SLC35F1: variants seen among roughly 807,000 people sequenced by gnomAD.
The protein encoded by SLC35F1 is chromosome 6 open reading frame 169.
Under a neutral mutation model 48.7 loss-of-function variants are expected in SLC35F1, and 14 were observed. The observed-to-expected ratio is 0.29, with a 90% CI of 0.19 to 0.45. SLC35F1 has a LOEUF of 0.45. Among genes scored for constraint, SLC35F1 ranks in the 20% least tolerant of loss-of-function variants. The pLI is 1.00. For synonymous variants in SLC35F1, 190 were observed against 202.2 expected (o/e 0.94, Z 0.51); for missense variants, 404 against 500.0 (o/e 0.81, Z 1.83).
chr6:118,180,127 A>G (rs1355444293), intron 2 of SLC35F1, among the ~76,000 whole-genome samples: 1 of 152,154 alleles, frequency 6.6e-6, no homozygotes, highest in East Asian at 1.9e-4. Context: ...ATGTATGCAT[A>G]TTTGGGGCTA....
intron 1 of SLC35F1, among the ~76,000 whole-genome samples, chr6:118,151,234 G>A (rs1774052084): frequency 6.6e-6 from 1 of 151,994 alleles, no homozygotes; most frequent in African/African-American, 2.4e-5. Flanking sequence ...ATTTCCCAAG[G>A]CTCTCTTACT....
At position 118,009,323 on chromosome 6, in the gene SLC35F1, A is replaced by G. The variant is rs553520652; in HGVS notation, c.173+101424A>G. ...CAAAATTAGACATTAGGTTTATTTT[A>G]CAGGTGGTTAAATGGCAGTTCACTG... is the stretch of plus-strand genomic sequence containing the variant. On this transcript the variant is annotated intron_variant, in intron 1 of 7. Coordinates refer to ENST00000360388, the MANE Select transcript of SLC35F1 (RefSeq NM_001029858.4). Among the ~76,000 whole-genome samples the G allele has an allele frequency of 3.3e-5, 5 of 152,172 alleles. No individual in the cohort carries two copies. In the South Asian group the frequency reaches 1.0e-3, roughly 32 times the overall value.
chr6:118,038,836 G>A lies in SLC35F1; in HGVS notation c.174-115609G>A, dbSNP rs540351826. 9.9e-5 allele frequency among the ~76,000 whole-genome samples: 15 copies of A among 152,026 alleles called. No individual in the cohort carries two copies. In the South Asian group the frequency reaches 1.7e-3, roughly 17 times the overall value. ...AAGGTCTTGCTTTGTTGCCCAGGCCGGTCTTCAACTCCTGGCCTTAAGCAA... is the reference window on the plus strand; with the variant it reads ...AAGGTCTTGCTTTGTTGCCCAGGCCAGTCTTCAACTCCTGGCCTTAAGCAA... On this transcript the variant is annotated intron_variant, in intron 1 of 7. Coordinates refer to ENST00000360388, the MANE Select transcript of SLC35F1 (RefSeq NM_001029858.4).
intron 1 of SLC35F1, among the ~76,000 whole-genome samples, chr6:118,145,581 T>C (rs768266661): frequency 3.3e-5 from 5 of 152,202 alleles, no homozygotes; most frequent in Non-Finnish European, 5.9e-5. Flanking sequence ...TGTAATCATA[T>C]GCAACACAAG....
intron 1 of SLC35F1, among the ~76,000 whole-genome samples, chr6:117,978,099 C>T (rs1776727447): frequency 6.6e-6 from 1 of 151,800 alleles, no homozygotes; most frequent in Non-Finnish European, 1.5e-5. Context: ...TATTTTATTT[C>T]TTCAGATGTG....
chr6:118,201,354 AAGTAGC>A (rs769450744), intron 2 of SLC35F1, among the ~76,000 whole-genome samples: 6 of 152,222 alleles, frequency 3.9e-5, no homozygotes, highest in Non-Finnish European at 7.3e-5. Flanking sequence ...TTTACTGAAC[AAGTAGC>A]AGTTTCCAGC....
chr6:118,119,284 A>G (rs944241235), intron 1 of SLC35F1, among the ~76,000 whole-genome samples: 1 of 152,156 alleles, frequency 6.6e-6, no homozygotes, highest in South Asian at 2.1e-4. Flanking sequence ...AGATGTATAT[A>G]TTATTGGCTA....
intron 2 of SLC35F1, among the ~76,000 whole-genome samples, chr6:118,218,952 A>T (rs533490307): frequency 3.5e-4 from 54 of 152,326 alleles, no homozygotes; most frequent in Non-Finnish European, 6.2e-4. Flanking sequence ...TTCAAGAAAG[A>T]CAATTAGTAT....
intron 1 of SLC35F1, among the ~76,000 whole-genome samples, chr6:117,915,839 G>A (rs1775819242): frequency 6.6e-6 from 1 of 152,178 alleles, no homozygotes; most frequent in Non-Finnish European, 1.5e-5. Flanking sequence ...ATTTAGAGGG[G>A]AAGAAATGTG....
At chr6:118,214,052 G>A (rs460399) in intron 2 of SLC35F1, among the ~76,000 whole-genome samples, 10,122 of 152,160 alleles carry the variant, frequency 0.067, 395 homozygotes, top group South Asian at 0.12. Context: ...TGTAGTTTTT[G>A]TTGTTTCAAA....
chr6:118,137,824 C>T (rs1487478633), intron 1 of SLC35F1, among the ~76,000 whole-genome samples: 2 of 152,142 alleles, frequency 1.3e-5, no homozygotes, highest in African/African-American at 2.4e-5. Flanking sequence ...TAGAACCTAC[C>T]ATAGTCTTGG....
intron 1 of SLC35F1, among the ~76,000 whole-genome samples, chr6:117,990,089 C>G (rs1444695514): frequency 6.6e-6 from 1 of 151,986 alleles, no homozygotes; most frequent in Non-Finnish European, 1.5e-5. Context: ...TTTTATTTCC[C>G]TTGGTTAAAA....
chr6:118,086,496 G>A (rs1772992473), intron 1 of SLC35F1, among the ~76,000 whole-genome samples: 1 of 152,138 alleles, frequency 6.6e-6, no homozygotes. Context: ...TTCCCTCTTA[G>A]CAAGACTCAT....
chr6:117,911,772 T>C (rs1775766919), intron 1 of SLC35F1, among the ~76,000 whole-genome samples: 1 of 152,026 alleles, frequency 6.6e-6, no homozygotes, highest in Non-Finnish European at 1.5e-5. Context: ...CATGGTATAG[T>C]ATATATTACC....
At chr6:118,090,164 G>A (rs1582660424) in intron 1 of SLC35F1, among the ~76,000 whole-genome samples, 1 of 152,176 alleles carries the variant, frequency 6.6e-6, no homozygotes, top group Admixed American at 6.5e-5. Flanking sequence ...CCTCAAGGTG[G>A]GTTATAAATT....
Position 118,095,283 on chromosome 6 carries a change from A to G in SLC35F1, c.174-59162A>G, listed in dbSNP as rs547055763. Among the ~76,000 whole-genome samples, 10 of 152,362 alleles carry G rather than the reference A, an allele frequency of 6.6e-5. 1 individual carries two copies. The South Asian group carries it at 1.4e-3, about 22-fold the overall frequency. On this transcript the variant is annotated intron_variant, in intron 1 of 7. Transcript: ENST00000360388. ...AGTCTTAGTTTGTGCTCTTTGTTCC[A>G]AACAGGTGCCAGCATTGAATATCTC...
At chr6:118,272,760 T>C (rs1031057137) in intron 4 of SLC35F1, among the ~76,000 whole-genome samples, 2 of 118,950 alleles carry the variant, frequency 1.7e-5, no homozygotes, top group African/African-American at 6.0e-5. Flanking sequence ...CATATATATA[T>C]ATATGTATAT....
chr6:118,099,174 A>C (rs573277972), intron 1 of SLC35F1, among the ~76,000 whole-genome samples: 1 of 152,350 alleles, frequency 6.6e-6, no homozygotes, highest in South Asian at 2.1e-4. Context: ...ATGTCAGGCC[A>C]AGATTTTCTG....
chr6:118,154,511 T>C lies in SLC35F1; in HGVS notation c.240T>C (p.Thr80=). The change falls in exon 2 of 8, where the codon ACT becomes ACC. Residue 80 remains threonine, a synonymous_variant. Coordinates refer to ENST00000360388, the MANE Select transcript of SLC35F1 (RefSeq NM_001029858.4). ...TCCTTATTTGTGGAATTGGCTTGACTAGCAAGTATCTGTCAGAAGATTTCC... is the reference window on the plus strand; with the variant it reads ...TCCTTATTTGTGGAATTGGCTTGACCAGCAAGTATCTGTCAGAAGATTTCC... ...LSLLICGIGL[T]SKYLSEDFHA... 6.2e-7 allele frequency: 1 copy of C among 1,614,080 alleles called. No individual in the cohort carries two copies. Among genetic ancestry groups the C allele is most frequent in the African/African-American group, 1.3e-5 (1 of 75,062 alleles).
Sources: gnomAD v4.1 joint callset for allele counts (sites outside exome capture counted in the v4.1 genomes callset) on GRCh38, gnomAD v4.1.1 for gene constraint, MANE v1.5 for transcripts, NCBI Gene and HGNC (gene_info 2026-07-23, HGNC 2026-07-21) for gene names.